AFM: variants seen among roughly 807,000 people sequenced by gnomAD.
The protein encoded by AFM is afamin, also known as alpha-Alb.
AFM carries 82 observed loss-of-function variants against 68.7 expected under a neutral mutation model. The ratio of observed to expected loss-of-function variants is 1.19; its 90% CI spans 1.00 to 1.43. The LOEUF (loss-of-function observed/expected upper bound fraction) is 1.43, where lower values mean the gene tolerates loss of function less well. Ranked by LOEUF, AFM falls within the 40% of genes most tolerant of loss-of-function variation. AFM has a pLI of 0.00. For missense variants in AFM, 772 were observed against 701.8 expected (o/e 1.10, Z -1.13); for synonymous variants, 250 against 234.2 (o/e 1.07, Z -0.61).
intron 3 of AFM, 104 bp downstream of exon 3, chr4:73,484,494 C>CTTTCTTTCTTTCTT (rs1720827070): frequency 4.9e-6 from 4 of 822,034 alleles, no homozygotes; most frequent in East Asian, 3.3e-5. Flanking sequence ...TTCTTTCTTT[C>CTTTCTTTCTTTCTT]TTTCTTTCTT....
intron 6 of AFM, 52 bp downstream of exon 6, chr4:73,487,873 C>T: frequency 7.8e-7 from 1 of 1,288,026 alleles, no homozygotes; most frequent in Non-Finnish European, 1.1e-6. Flanking sequence ...TTGTCTGTGT[C>T]CCATTTTTGT....
At chr4:73,502,880 G>A (rs1245840623) in intron 13 of AFM, among the ~76,000 whole-genome samples, 170 bp from the exon 14 acceptor site, 2 of 152,158 alleles carry the variant, frequency 1.3e-5, no homozygotes, top group Admixed American at 6.6e-5. Context: ...GTTGTAAAGA[G>A]CCTTTCGGTG....
intron 5 of AFM, among the ~76,000 whole-genome samples, chr4:73,487,310 C>G (rs1720928486): frequency 6.6e-6 from 1 of 152,194 alleles, no homozygotes; most frequent in South Asian, 2.1e-4. Flanking sequence ...TTTTCAGGGT[C>G]TCTCTTCCAG....
At chr4:73,491,793 G>A in intron 7 of AFM, 79 bp from the exon 8 acceptor site, 1 of 1,138,672 alleles carries the variant, frequency 8.8e-7, no homozygotes, top group African/African-American at 1.6e-5. Flanking sequence ...GATCATGACT[G>A]GTTTTGCATG....
intron 5 of AFM, among the ~76,000 whole-genome samples, 195 bp from the exon 6 acceptor site, chr4:73,487,529 G>C (rs535684909): frequency 1.3e-5 from 2 of 152,274 alleles, no homozygotes; most frequent in South Asian, 4.1e-4. Context: ...TCAATCATCA[G>C]CAAGACTGGT....
At chr4:73,496,212 C>T (rs1721250576) in intron 9 of AFM, among the ~76,000 whole-genome samples, 1 of 152,150 alleles carries the variant, frequency 6.6e-6, no homozygotes. Context: ...GTCCTTGACT[C>T]TTCTTGTGTC....
At chr4:73,482,417 G>C (rs1001919345) in intron 1 of AFM, among the ~76,000 whole-genome samples, 1 of 152,178 alleles carries the variant, frequency 6.6e-6, no homozygotes, top group Non-Finnish European at 1.5e-5. Flanking sequence ...TAGAGGAGGT[G>C]TCTTTTTCTA....
chr4:73,499,628 T>A (rs1002178624), intron 11 of AFM, among the ~76,000 whole-genome samples: 10 of 152,068 alleles, frequency 6.6e-5, no homozygotes, highest in African/African-American at 2.2e-4. Flanking sequence ...ATTGAATACA[T>A]CTCTTTAGGG....
At chr4:73,495,223 A>G in intron 8 of AFM, 77 bp from the exon 9 acceptor site, 1 of 1,383,200 alleles carries the variant, frequency 7.2e-7, no homozygotes, top group Non-Finnish European at 9.8e-7. Context: ...ATTAGATCTG[A>G]CTGGATTACA....
Position 73,488,610 on chromosome 4 carries a change from T to G in AFM, c.714-20T>G. 1 of 1,596,860 alleles carries G rather than the reference T, an allele frequency of 6.3e-7. No individual in the cohort carries two copies. The highest frequency in any genetic ancestry group is 8.5e-7 in the Non-Finnish European group (1 of 1,171,418). ...CTTGCTGTTCAAATTATTTTTGTGG[T>G]TTATCAATTCTCTTTCCAGATATAT... On this transcript the variant is annotated intron_variant, in intron 6 of 14. Coordinates refer to ENST00000226355, the MANE Select transcript of AFM (RefSeq NM_001133.2).
chr4:73,501,811 G>A lies in AFM; in HGVS notation c.1671G>A (p.Leu557=). The change falls in exon 13 of 15, where the codon CTG becomes CTA. Residue 557 remains leucine, a synonymous_variant. Transcript: ENST00000226355. ...TDRFLVNLVK[L]KHELTDEELQ... ...GGTTTCTTGTCAACTTAGTGAAGCT[G>A]AAGCATGAACTCACAGATGAAGAGC... is the stretch of plus-strand genomic sequence containing the variant. 6.2e-7 allele frequency: 1 copy of A among 1,613,144 alleles called. No homozygotes were observed. Among genetic ancestry groups the A allele is most frequent in the Non-Finnish European group, 8.5e-7 (1 of 1,179,526 alleles).
intron 5 of AFM, 80 bp downstream of exon 5, chr4:73,487,179 A>G: frequency 6.8e-7 from 1 of 1,472,718 alleles, no homozygotes; most frequent in Non-Finnish European, 9.3e-7. Flanking sequence ...ATATTATAGC[A>G]AAAGGCTTGC....
chr4:73,492,071 A>C lies in AFM; in HGVS notation c.1043A>C (p.Asp348Ala). 3 of 1,608,890 alleles carry C rather than the reference A, an allele frequency of 1.9e-6. No individual in the cohort carries two copies. Residue 348 changes from aspartate to alanine, a missense_variant, in exon 8 of 15, where the codon GAC becomes GCC. Transcript: ENST00000226355. The part of the protein sequence containing the change: ...NVCQERDADP[D>A]TFFAKFTFEY... ...TGTCAAGAACGAGATGCTGACCCAG[A>C]CACCTTCTTTGCGAAGTAATATAAC...
chr4:73,488,893 T>A, intron 7 of AFM, 134 bp downstream of exon 7: 1 of 850,854 alleles, frequency 1.2e-6, no homozygotes, highest in Non-Finnish European at 1.8e-6. Context: ...AATGAAAGCA[T>A]AAAATGAAAT....
chr4:73,485,464 G>A (rs1720864021), intron 3 of AFM, among the ~76,000 whole-genome samples: 2 of 152,036 alleles, frequency 1.3e-5, no homozygotes, highest in African/African-American at 2.4e-5. Flanking sequence ...TTTGGCTGGA[G>A]GATCACTTGA....
chr4:73,494,596 T>C (rs1356567262), intron 8 of AFM, among the ~76,000 whole-genome samples: 1 of 152,180 alleles, frequency 6.6e-6, no homozygotes, highest in Non-Finnish European at 1.5e-5. Flanking sequence ...GTACATATTT[T>C]GGGGACTAAG....
intron 7 of AFM, among the ~76,000 whole-genome samples, chr4:73,489,531 A>C (rs115264016): frequency 6.6e-6 from 1 of 152,190 alleles, no homozygotes; most frequent in South Asian, 2.1e-4. Context: ...TAGCAATTTT[A>C]AAGTACTCAA....
intron 3 of AFM, 64 bp downstream of exon 3, chr4:73,484,454 CTTT>C: frequency 2.4e-6 from 1 of 418,046 alleles, no homozygotes; most frequent in Non-Finnish European, 4.2e-6. Flanking sequence ...TTCTTTCTTT[CTTT>C]CTTTCTTTCT....
Position 73,492,311 on chromosome 4 carries a change from T to C in AFM, c.1058+225T>C, listed in dbSNP as rs568341591. On this transcript the variant is annotated intron_variant, in intron 8 of 14. Coordinates refer to ENST00000226355, the MANE Select transcript of AFM (RefSeq NM_001133.2). ...TAGCATTTATTGAGCACTTAATATA[T>C]GCCAGTCATGGGACTATATACTTTA... 4.0e-4 allele frequency among the ~76,000 whole-genome samples: 61 copies of C among 152,350 alleles called. No individual in the cohort carries two copies. In the South Asian group the frequency reaches 9.1e-3, roughly 23 times the overall value.
Sources: gnomAD v4.1 joint callset for allele counts (sites outside exome capture counted in the v4.1 genomes callset) on GRCh38, gnomAD v4.1.1 for gene constraint, MANE v1.5 for transcripts, NCBI Gene and HGNC (gene_info 2026-07-23, HGNC 2026-07-21) for gene names.